The following HDAC9 variants were observed in gnomAD, a reference collection of about 807,000 sequenced individuals.
HDAC9 encodes histone deacetylase 9.
HDAC9 carries 41 observed loss-of-function variants against 139.4 expected under a neutral mutation model. The ratio of observed to expected loss-of-function variants is 0.29; its 90% CI spans 0.23 to 0.38. HDAC9 has a LOEUF of 0.38. Ranked by LOEUF, HDAC9 falls within the 10% of genes least tolerant of loss-of-function variation. The pLI, the probability that HDAC9 is intolerant of heterozygous loss-of-function variation, is 1.00. For missense variants in HDAC9, 1,147 were observed against 1,297.0 expected, an observed-to-expected ratio of 0.88 and a Z score of 1.78; for synonymous variants, 517 against 476.2, an observed-to-expected ratio of 1.09 and a Z score of -1.12.
rs553392058 is a variant in HDAC9, at chr7:18,303,364, G to C, written c.-42+12849G>C. Among the ~76,000 whole-genome samples, 8 of 140,372 alleles carry C rather than the reference G, an allele frequency of 5.7e-5. No individual in the cohort carries two copies. The East Asian group carries it at 6.1e-4, about 11-fold the overall frequency. 92.1% of individuals were successfully genotyped at this position (140,372 alleles called of 152,430 possible). ...TGGGACTACAGGCACCCACCGCCACGCCCAGCCAATTTGTGTGTGTGTGTG... is the reference window on the plus strand; with the variant it reads ...TGGGACTACAGGCACCCACCGCCACCCCCAGCCAATTTGTGTGTGTGTGTG... On this transcript the variant is annotated intron_variant, in intron 1 of 3. Transcript: ENST00000413509.
At chr7:18,732,772 T>C (rs1243398918) in intron 13 of HDAC9, among the ~76,000 whole-genome samples, 1 of 97,520 alleles carries the variant, frequency 1.0e-5, no homozygotes. Context: ...TATGTGTGCG[T>C]ATGTGTACAC....
intron 2 of HDAC9, among the ~76,000 whole-genome samples, chr7:18,529,878 A>G (rs1808276569): frequency 1.3e-5 from 2 of 152,196 alleles, no homozygotes; most frequent in Non-Finnish European, 2.9e-5. Context: ...CATAAAATCC[A>G]GCATTTTGCT....
In HDAC9 at chr7:18,732,932, T is replaced by TGTGTATACACACGTGTGC. The variant is rs1491365782; in HGVS notation, c.1909+5177_1909+5178insGTATACACACGTGTGCGT. On this transcript the variant is annotated intron_variant, in intron 13 of 25. Transcript: ENST00000686413. ...GCGTATGTGTATACACACGTGTGTA[T>TGTGTATACACACGTGTGC]GTATGTGTATACACACGTGTATGTG... 4.0e-3 allele frequency among the ~76,000 whole-genome samples: 372 copies of TGTGTATACACACGTGTGC among 93,328 alleles called. 56 individuals carry two copies. Among genetic ancestry groups the TGTGTATACACACGTGTGC allele is most frequent in the Non-Finnish European group, 6.6e-3 (289 of 43,672 alleles). 61.2% of individuals were successfully genotyped at this position (93,328 alleles called of 152,430 possible).
chr7:18,259,981 T>C (rs1388022687), intron 2 of HDAC9, among the ~76,000 whole-genome samples: 1 of 152,186 alleles, frequency 6.6e-6, no homozygotes, highest in Admixed American at 6.5e-5. Flanking sequence ...ATATGTATAT[T>C]TGTCTTATAT....
chr7:18,402,458 C>G (rs1787636273), intron 1 of HDAC9, among the ~76,000 whole-genome samples: 1 of 152,080 alleles, frequency 6.6e-6, no homozygotes. Context: ...GATAGAGAAG[C>G]CATTAACTTC....
intron 1 of HDAC9, among the ~76,000 whole-genome samples, chr7:18,456,433 A>G (rs1018804225): frequency 2.5e-4 from 38 of 151,972 alleles, no homozygotes; most frequent in Non-Finnish European, 4.1e-4. Flanking sequence ...ATGGGGTTTC[A>G]CCATGCTGGC....
intron 1 of HDAC9, among the ~76,000 whole-genome samples, chr7:18,441,763 TTTGTTGTTGTTG>T (rs200207868): frequency 5.3e-5 from 8 of 150,322 alleles, no homozygotes; most frequent in South Asian, 2.1e-4. Context: ...ACATATATGT[TTTGTTGTTGTTG>T]TTGTTGTTGT....
At chr7:18,279,894 T>C (rs1276690893) in intron 2 of HDAC9, among the ~76,000 whole-genome samples, 1 of 152,164 alleles carries the variant, frequency 6.6e-6, no homozygotes, top group Non-Finnish European at 1.5e-5. Flanking sequence ...TATGATGTAA[T>C]TTTTCATTTA....
chr7:18,092,134 C>G (rs75343719), intron 1 of HDAC9, among the ~76,000 whole-genome samples: 1 of 152,238 alleles, frequency 6.6e-6, no homozygotes, highest in African/African-American at 2.4e-5. Flanking sequence ...GCCGGTAATC[C>G]CAGCACTTTG....
chr7:18,780,039 T>G (rs1791111580), intron 16 of HDAC9, among the ~76,000 whole-genome samples: 1 of 152,040 alleles, frequency 6.6e-6, no homozygotes, highest in African/African-American at 2.4e-5. Context: ...TTTTCAACTC[T>G]AAAGTGCAGA....
At chr7:18,856,813 G>A (rs148519772) in intron 21 of HDAC9, among the ~76,000 whole-genome samples, 5 of 152,114 alleles carry the variant, frequency 3.3e-5, no homozygotes, top group Non-Finnish European at 7.4e-5. Context: ...TTGGGTCTCT[G>A]TGATTTTCCC....
intron 2 of HDAC9, among the ~76,000 whole-genome samples, chr7:18,168,098 G>A (rs759650959): frequency 2.6e-5 from 4 of 152,160 alleles, no homozygotes; most frequent in Non-Finnish European, 5.9e-5. Context: ...GAAAATTCAA[G>A]TTCCTGTTAG....
intron 1 of HDAC9, among the ~76,000 whole-genome samples, chr7:18,292,566 G>A (rs1797877459): frequency 6.6e-6 from 1 of 151,966 alleles, no homozygotes; most frequent in Admixed American, 6.6e-5. Context: ...GGGATGGTGT[G>A]GAGTTACCGC....
intron 15 of HDAC9, among the ~76,000 whole-genome samples, chr7:18,765,298 G>A (rs900143278): frequency 1.3e-5 from 2 of 151,974 alleles, no homozygotes; most frequent in African/African-American, 4.8e-5. Context: ...TTCTCTTGGG[G>A]GTTAATAATT....
chr7:18,956,919 G>T (rs867641109), intron 24 of HDAC9, among the ~76,000 whole-genome samples: 9 of 152,258 alleles, frequency 5.9e-5, no homozygotes, highest in Middle Eastern at 6.8e-3. Context: ...TCTTGGTGTT[G>T]CTGCCTAAAA....
At chr7:18,972,965 G>T (rs1472593802) in intron 24 of HDAC9, among the ~76,000 whole-genome samples, 2 of 152,196 alleles carry the variant, frequency 1.3e-5, no homozygotes, top group East Asian at 3.9e-4. Flanking sequence ...ATTCTTTTAA[G>T]CTGAGAATTT....
chr7:18,233,024 A>G (rs1424759779), intron 2 of HDAC9, among the ~76,000 whole-genome samples: 2 of 152,116 alleles, frequency 1.3e-5, no homozygotes, highest in Non-Finnish European at 2.9e-5. Context: ...TTTTGTCTAT[A>G]AGTATAAACT....
chr7:18,240,378 T>C (rs1298990358), intron 2 of HDAC9, among the ~76,000 whole-genome samples: 1 of 152,196 alleles, frequency 6.6e-6, no homozygotes, highest in Non-Finnish European at 1.5e-5. Context: ...ATGGAAAAAG[T>C]ACCTTCCTTG....
intron 2 of HDAC9, among the ~76,000 whole-genome samples, chr7:18,581,908 A>G (rs1216963706): frequency 6.6e-6 from 1 of 152,234 alleles, no homozygotes; most frequent in African/African-American, 2.4e-5. Context: ...CCACCAAACT[A>G]TAGTTCATTT....
Sources: allele counts gnomAD v4.1 joint callset (sites outside exome capture counted in the v4.1 genomes callset), GRCh38; gene constraint gnomAD v4.1.1; transcripts MANE v1.5; gene names NCBI Gene and HGNC (gene_info 2026-07-23, HGNC 2026-07-21).